The following CLK4 variants were observed in gnomAD, a reference collection of about 807,000 sequenced individuals.
CLK4 encodes dual specificity protein kinase CLK4.
CLK4 carries 37 observed loss-of-function variants against 64.4 expected under a neutral mutation model. The ratio of observed to expected loss-of-function variants is 0.57; its 90% CI spans 0.44 to 0.76. The LOEUF (loss-of-function observed/expected upper bound fraction) is 0.76. Ranked by LOEUF, CLK4 falls within the 30% of genes least tolerant of loss-of-function variation. CLK4 has a pLI of 0.00. For synonymous variants in CLK4, 175 were observed against 191.6 expected (o/e 0.91, Z 0.72); for missense variants, 457 against 605.1 (o/e 0.76, Z 2.57).
intron 2 of CLK4, among the ~76,000 whole-genome samples, chr5:178,621,063 T>C (rs551053017): frequency 3.6e-4 from 55 of 152,288 alleles, no homozygotes; most frequent in African/African-American, 1.2e-3. Flanking sequence ...AATTTTCACA[T>C]AGGGGAATGT....
intron 9 of CLK4, among the ~76,000 whole-genome samples, chr5:178,609,766 G>A (rs990783230): frequency 6.7e-6 from 1 of 149,116 alleles, no homozygotes; most frequent in Non-Finnish European, 1.5e-5. Flanking sequence ...TAAATTAGTT[G>A]GGTGTGGTGG....
chr5:178,604,185 GGGGCC>G, intron 11 of CLK4: 2 of 260,748 alleles, frequency 7.7e-6, no homozygotes, highest in Non-Finnish European at 1.4e-5. Flanking sequence ...CTTAAAACTA[GGGGCC>G]CCCTGGATCC....
intron 10 of CLK4, among the ~76,000 whole-genome samples, chr5:178,606,711 C>T (rs1383676561): frequency 2.0e-5 from 3 of 152,068 alleles, no homozygotes; most frequent in Non-Finnish European, 4.4e-5. Flanking sequence ...ACCTGTAATC[C>T]CAGCACTTTG....
At chr5:178,624,784 C>T (rs764168718) in intron 1 of CLK4, among the ~76,000 whole-genome samples, 12 of 152,112 alleles carry the variant, frequency 7.9e-5, no homozygotes, top group Non-Finnish European at 1.5e-4. Context: ...CAAACAAATG[C>T]AAGCAGAAAT....
At chr5:178,610,252 T>C (rs1205187019) in intron 9 of CLK4, among the ~76,000 whole-genome samples, 2 of 151,724 alleles carry the variant, frequency 1.3e-5, no homozygotes, top group African/African-American at 2.4e-5. Flanking sequence ...ATCGTGCCAC[T>C]GCAGTCCAGC....
chr5:178,605,204 T>A, intron 11 of CLK4, 99 bp downstream of exon 11: 1 of 570,966 alleles, frequency 1.8e-6, no homozygotes, highest in Non-Finnish European at 2.8e-6. Flanking sequence ...TCAAAATCTA[T>A]AGTCCTTGGA....
At position 178,617,265 on chromosome 5, in the gene CLK4, T is replaced by C. The variant is rs762022333; in HGVS notation, c.475+79A>G. On this transcript the variant is annotated intron_variant, in intron 4 of 12. Coordinates refer to ENST00000316308, the MANE Select transcript of CLK4 (RefSeq NM_020666.3). The surrounding 1 kb of genome is among the most constrained non-coding windows in gnomAD (Gnocchi z 5.2). ...AATAAAAAAGCAATGAAGAGTTCTT[T>C]AGCCCCCCGCTGACAAACTATTCTT... The C allele has an allele frequency of 2.5e-5, 28 of 1,134,272 alleles. No homozygotes were observed. Among genetic ancestry groups the C allele is most frequent in the Non-Finnish European group, 3.6e-5 (27 of 750,724 alleles). The allele number at this position is 1,134,272 out of a possible 1,614,324, so 70.3% of individuals were successfully genotyped here.
rs573820869 is a variant in CLK4 at position 178,614,201 on chromosome 5, G to A, written c.543-358C>T. Among the ~76,000 whole-genome samples, 41 of 152,320 alleles carry A rather than the reference G, an allele frequency of 2.7e-4. 1 individual carries two copies. In the South Asian group the frequency reaches 2.9e-3, roughly 11 times the overall value. On this transcript the variant is annotated intron_variant, in intron 5 of 12. Transcript: ENST00000316308. ...ACCAGGCTAGGCCTACTCTGTGCCA[G>A]GCAATGCACAGATATTAGTGATTAA...
chr5:178,611,442 C>T (rs1039716448), intron 9 of CLK4, among the ~76,000 whole-genome samples: 1 of 152,172 alleles, frequency 6.6e-6, no homozygotes, highest in Non-Finnish European at 1.5e-5. Flanking sequence ...AAACTCAAAA[C>T]TCAGTTCTCC....
intron 9 of CLK4, 111 bp downstream of exon 9, chr5:178,612,305 G>A (rs1014016353): frequency 1.4e-5 from 13 of 956,880 alleles, no homozygotes; most frequent in South Asian, 2.2e-5. Context: ...AATAGAAAAC[G>A]TTTTCTGAAT....
chr5:178,612,936 A>AG, intron 7 of CLK4, 46 bp from the exon 8 acceptor site: 1 of 982,992 alleles, frequency 1.0e-6, no homozygotes, highest in Non-Finnish European at 1.6e-6. Context: ...TACAAACTTA[A>AG]TTTGTACTAG....
intron 5 of CLK4, among the ~76,000 whole-genome samples, chr5:178,615,153 C>T (rs1291897361): frequency 1.3e-5 from 2 of 152,044 alleles, no homozygotes; most frequent in African/African-American, 2.4e-5. Context: ...GAGTTCCACA[C>T]CAGCCAGAGC....
intron 2 of CLK4, chr5:178,619,844 T>C (rs1764681880): frequency 8.0e-7 from 1 of 1,252,992 alleles, no homozygotes; most frequent in African/African-American, 1.5e-5. Flanking sequence ...CTACCTGGGA[T>C]GAGTGTCCTC....
At chr5:178,606,503 C>T (rs1481509100) in intron 10 of CLK4, among the ~76,000 whole-genome samples, 1 of 152,138 alleles carries the variant, frequency 6.6e-6, no homozygotes. Flanking sequence ...ACTCTTAGCC[C>T]ATCATAGCTG....
intron 1 of CLK4, among the ~76,000 whole-genome samples, chr5:178,623,641 A>ATT (rs61669840): frequency 2.1e-4 from 31 of 144,982 alleles, no homozygotes; most frequent in African/African-American, 7.6e-4. Context: ...ACCTTAAGAC[A>ATT]TTTTTTTTTT....
At chr5:178,608,488 T>C (rs893035909) in intron 9 of CLK4, 30 bp from the exon 10 acceptor site, 2 of 1,555,038 alleles carry the variant, frequency 1.3e-6, no homozygotes, top group East Asian at 2.3e-5. Context: ...AACATTTTAC[T>C]ATGCAAAAAC....
chr5:178,609,074 T>C (rs1479226991), intron 9 of CLK4, among the ~76,000 whole-genome samples: 1 of 152,218 alleles, frequency 6.6e-6, no homozygotes, highest in Non-Finnish European at 1.5e-5. Flanking sequence ...TGTCTATACA[T>C]GATTTTATAT....
chr5:178,618,685 A>G lies in CLK4; in HGVS notation c.255T>C (p.Val85=), dbSNP rs987314038. The part of the protein sequence containing the change: ...EYRNDYCEGY[V]PRHYHRDIES... Reference sequence around the variant, plus strand: ...CAATGTCTCTGTGATAATGTCTAGGAACATATCCTTCACAGTAGTCATTCC... The same window carrying G: ...CAATGTCTCTGTGATAATGTCTAGGGACATATCCTTCACAGTAGTCATTCC... The change falls in exon 3 of 13, where the codon GTT becomes GTC. Residue 85 remains valine, a synonymous_variant. Coordinates refer to ENST00000316308, the MANE Select transcript of CLK4 (RefSeq NM_020666.3). The G allele has an allele frequency of 6.2e-7, 1 of 1,613,992 alleles. No homozygotes were observed. Among genetic ancestry groups the G allele is most frequent in the Non-Finnish European group, 8.5e-7 (1 of 1,179,910 alleles).
chr5:178,625,100 A>G (rs944192747), intron 1 of CLK4, among the ~76,000 whole-genome samples: 3 of 152,188 alleles, frequency 2.0e-5, no homozygotes, highest in African/African-American at 7.2e-5. Context: ...TCACTTCCAT[A>G]TGGGAACGTG....
Sources: gnomAD v4.1 joint callset for allele counts (sites outside exome capture counted in the v4.1 genomes callset) on GRCh38, gnomAD v4.1.1 for gene constraint, Gnocchi (gnomAD v3.1) non-coding constraint, MANE v1.5 for transcripts, NCBI Gene and HGNC (gene_info 2026-07-23, HGNC 2026-07-21) for gene names.